The following PCCA variants were observed in gnomAD, a reference collection of about 807,000 sequenced individuals.
PCCA encodes the protein propionyl-CoA carboxylase subunit alpha, also known as propionyl-CoA carboxylase alpha chain, mitochondrial.
PCCA carries 74 observed loss-of-function variants against 101.3 expected under a neutral mutation model. The observed-to-expected ratio is 0.73, with a 90% CI of 0.61 to 0.89. The LOEUF is 0.89. Ranked by LOEUF, PCCA falls within the 40% of genes least tolerant of loss-of-function variation. PCCA has a pLI of 0.00. For missense variants in PCCA, 891 were observed against 907.0 expected (o/e 0.98, Z 0.23); for synonymous variants, 294 against 313.6 (o/e 0.94, Z 0.66).
chr13:100,368,365 C>T (rs2075351582), intron 18 of PCCA, 107 bp from the exon 19 acceptor site: 1 of 675,700 alleles, frequency 1.5e-6, no homozygotes, highest in South Asian at 1.8e-5. Flanking sequence ...TTCGCAAATA[C>T]ATTCAATGGC....
chr13:100,169,288 A>G (rs1415065864), intron 6 of PCCA, among the ~76,000 whole-genome samples: 1 of 151,798 alleles, frequency 6.6e-6, no homozygotes, highest in Non-Finnish European at 1.5e-5. Context: ...CTAATAATAC[A>G]AAAATTAGCC....
intron 17 of PCCA, among the ~76,000 whole-genome samples, chr13:100,339,121 G>A (rs2070936691): frequency 6.6e-6 from 1 of 151,870 alleles, no homozygotes; most frequent in Non-Finnish European, 1.5e-5. Flanking sequence ...TATCCTCCCT[G>A]CACTTTAAAT....
At chr13:100,405,662 G>A (rs2077624969) in intron 19 of PCCA, among the ~76,000 whole-genome samples, 1 of 151,996 alleles carries the variant, frequency 6.6e-6, no homozygotes, top group South Asian at 2.1e-4. Context: ...TTTAAGCCGA[G>A]CCCAGCCATG....
At chr13:100,326,709 A>C (rs1340244826) in intron 16 of PCCA, among the ~76,000 whole-genome samples, 2 of 151,966 alleles carry the variant, frequency 1.3e-5, no homozygotes, top group African/African-American at 4.8e-5. Flanking sequence ...ACTCAACCTG[A>C]AGAGGAGGAG....
intron 12 of PCCA, among the ~76,000 whole-genome samples, chr13:100,296,388 C>T (rs1595172226): frequency 1.3e-5 from 2 of 151,108 alleles, no homozygotes; most frequent in African/African-American, 2.4e-5. Context: ...TACAGGCATG[C>T]GTCACCATGC....
intron 17 of PCCA, among the ~76,000 whole-genome samples, chr13:100,333,493 CTTAGAG>C (rs1252763378): frequency 2.0e-5 from 3 of 152,138 alleles, no homozygotes; most frequent in Non-Finnish European, 2.9e-5. Flanking sequence ...ACTAGAGATT[CTTAGAG>C]TTAAACTTTG....
At chr13:100,193,905 C>T (rs1406151410) in intron 6 of PCCA, among the ~76,000 whole-genome samples, 1 of 151,928 alleles carries the variant, frequency 6.6e-6, no homozygotes, top group African/African-American at 2.4e-5. Flanking sequence ...TGGTGAAACC[C>T]CGTCTCTACA....
chr13:100,209,208 CTG>C (rs2059055521), intron 6 of PCCA, 122 bp from the exon 7 acceptor site: 1 of 792,212 alleles, frequency 1.3e-6, no homozygotes, highest in African/African-American at 1.7e-5. Flanking sequence ...GGCTCAAAAA[CTG>C]TTGTTTCTGC....
chr13:100,328,796 C>T (rs9554678), intron 16 of PCCA, among the ~76,000 whole-genome samples: 69,718 of 146,354 alleles, frequency 0.48, 16,396 homozygotes, highest in Middle Eastern at 0.57. Flanking sequence ...CAGGTTCAAG[C>T]GATTCTCCTG....
At chr13:100,260,393 GTGTGTTTTTT>G (rs1184189619) in intron 9 of PCCA, among the ~76,000 whole-genome samples, 1 of 148,832 alleles carries the variant, frequency 6.7e-6, no homozygotes. Context: ...GTGTGTGTGT[GTGTGTTTTTT>G]TTTTTTTTTT....
At chr13:100,258,014 G>T (rs1002970350) in intron 9 of PCCA, among the ~76,000 whole-genome samples, 1 of 152,084 alleles carries the variant, frequency 6.6e-6, no homozygotes, top group African/African-American at 2.4e-5. Flanking sequence ...GTCATCTAAA[G>T]ATTTAAATCA....
intron 6 of PCCA, among the ~76,000 whole-genome samples, chr13:100,177,456 GGC>G (rs1253062919): frequency 6.6e-6 from 1 of 152,068 alleles, no homozygotes; most frequent in East Asian, 1.9e-4. Flanking sequence ...GGTCATAGAT[GGC>G]AATGTAGAAT....
At chr13:100,331,376 T>TG (rs1443033759) in intron 17 of PCCA, among the ~76,000 whole-genome samples, 7 of 152,186 alleles carry the variant, frequency 4.6e-5, no homozygotes, top group Non-Finnish European at 1.0e-4. Context: ...TAGTGAGGTA[T>TG]GAAGGTTAGA....
chr13:100,323,253 C>T (rs1355629627), intron 16 of PCCA, among the ~76,000 whole-genome samples: 4 of 152,060 alleles, frequency 2.6e-5, no homozygotes, highest in African/African-American at 9.7e-5. Context: ...CAACCATTGT[C>T]TTGTAGGAAA....
intron 11 of PCCA, among the ~76,000 whole-genome samples, chr13:100,272,858 T>C (rs2063387689): frequency 6.6e-6 from 1 of 152,188 alleles, no homozygotes; most frequent in Non-Finnish European, 1.5e-5. Flanking sequence ...AAGTTATTTT[T>C]CTCCCAGTTT....
At chr13:100,503,984 A>G (rs1015102069) in intron 21 of PCCA, among the ~76,000 whole-genome samples, 2 of 152,220 alleles carry the variant, frequency 1.3e-5, no homozygotes, top group Non-Finnish European at 2.9e-5. Context: ...ATTTTGATAG[A>G]TTCATGTGAG....
intron 18 of PCCA, among the ~76,000 whole-genome samples, chr13:100,362,933 C>T (rs549324970): frequency 3.3e-4 from 50 of 152,138 alleles, no homozygotes; most frequent in Non-Finnish European, 3.8e-4. Flanking sequence ...GAAAATGCTG[C>T]TTTTATCTTT....
chr13:100,382,680 C>G (rs899224861), intron 19 of PCCA, among the ~76,000 whole-genome samples: 1 of 152,092 alleles, frequency 6.6e-6, no homozygotes, highest in Non-Finnish European at 1.5e-5. Context: ...CATTCATATT[C>G]TTTGGTCTAC....
intron 21 of PCCA, among the ~76,000 whole-genome samples, chr13:100,474,456 CTCTCTCTCTCTCTG>C (rs761265849): frequency 1.1e-4 from 14 of 130,508 alleles, no homozygotes; most frequent in East Asian, 3.1e-4. Context: ...CTCTCTCTCT[CTCTCTCTCTCTCTG>C]TCTCTGTCTC....
Sources: allele counts gnomAD v4.1 joint callset (sites outside exome capture counted in the v4.1 genomes callset), GRCh38; gene constraint gnomAD v4.1.1; transcripts MANE v1.5; gene names NCBI Gene and HGNC (gene_info 2026-07-23, HGNC 2026-07-21).